Variants in ENTPD5 observed in about 807,000 individuals in gnomAD.
ENTPD5 encodes the protein nucleoside diphosphate phosphatase ENTPD5.
In ENTPD5, 49 loss-of-function variants were observed where a neutral mutation model predicts 60.2. The ratio of observed to expected loss-of-function variants is 0.81; its 90% confidence interval spans 0.65 to 1.03. The LOEUF (loss-of-function observed/expected upper bound fraction) is 1.03. Ranked by LOEUF, ENTPD5 falls within the 50% of genes least tolerant of loss-of-function variation. ENTPD5 has a pLI of 0.00. For synonymous variants in ENTPD5, 187 were observed against 185.4 expected, an observed-to-expected ratio of 1.01 and a Z score of -0.07; for missense variants, 480 against 507.6, an observed-to-expected ratio of 0.95 and a Z score of 0.52.
At chr14:73,970,262 C>T (rs535982209) in intron 14 of ENTPD5, 137 bp from the exon 15 acceptor site, 78 of 557,908 alleles carry the variant, frequency 1.4e-4, no homozygotes, top group Non-Finnish European at 2.2e-4. Flanking sequence ...GAGGCTGAGG[C>T]GGGTGGATCA....
In ENTPD5 at chr14:74,019,282, C is replaced by A. The variant is rs529230225; in HGVS notation, c.-270G>T. The A allele has an allele frequency of 1.3e-5, 6 of 478,662 alleles. No individual in the cohort carries two copies. Among genetic ancestry groups the A allele is most frequent in the African/African-American group, 8.5e-5 (4 of 47,244 alleles). 29.7% of individuals were successfully genotyped at this position (478,662 alleles called of 1,614,324 possible). A position where few individuals can be genotyped will look rare whatever the true frequency, so the allele number is the denominator to read the frequency against. ...GCGCCACCCTTGCGCGGCAGCCCGCCGCCCTCGGCGCGACCTCCGCCCCAC... is the reference window on the plus strand; with the variant it reads ...GCGCCACCCTTGCGCGGCAGCCCGCAGCCCTCGGCGCGACCTCCGCCCCAC... On this transcript the variant is annotated 5_prime_UTR_variant, in exon 1 of 16. Transcript: ENST00000334696.
At chr14:73,996,984 G>A (rs1054524358) in intron 3 of ENTPD5, among the ~76,000 whole-genome samples, 4 of 152,220 alleles carry the variant, frequency 2.6e-5, no homozygotes, top group Middle Eastern at 3.4e-3. Context: ...ACCAACGACT[G>A]TAATGTACTG....
At chr14:74,005,220 C>G (rs574830460) in intron 3 of ENTPD5, among the ~76,000 whole-genome samples, 4 of 137,122 alleles carry the variant, frequency 2.9e-5, no homozygotes, top group Admixed American at 7.9e-5. Context: ...GAGCTGAGAT[C>G]GCACCATTGC....
At chr14:74,006,233 C>T (rs1461428377) in intron 3 of ENTPD5, among the ~76,000 whole-genome samples, 1 of 151,724 alleles carries the variant, frequency 6.6e-6, no homozygotes, top group Non-Finnish European at 1.5e-5. Context: ...GATCCACCTA[C>T]CTTGGACTCC....
chr14:74,006,419 G>T (rs1212289034), intron 3 of ENTPD5, among the ~76,000 whole-genome samples: 5 of 151,940 alleles, frequency 3.3e-5, no homozygotes, highest in African/African-American at 1.2e-4. Context: ...GAGTAGCTGG[G>T]ACTACAGGTG....
chr14:74,006,203 G>C (rs1293697825), intron 3 of ENTPD5, among the ~76,000 whole-genome samples: 1 of 151,750 alleles, frequency 6.6e-6, no homozygotes, highest in African/African-American at 2.4e-5. Context: ...ATGTTAGTCA[G>C]GCTGGTGATC....
chr14:73,979,128 G>C (rs1224974854), intron 6 of ENTPD5, among the ~76,000 whole-genome samples: 1 of 152,046 alleles, frequency 6.6e-6, no homozygotes, highest in Non-Finnish European at 1.5e-5. Flanking sequence ...CTTTAGCCTG[G>C]AATATTCTTC....
chr14:73,963,959 G>A lies in ENTPD5; in HGVS notation c.*2969C>T, dbSNP rs2056870809. 2.0e-5 allele frequency: 3 copies of A among 152,134 alleles called. No homozygotes were observed. Among genetic ancestry groups the A allele is most frequent in the South Asian group, 2.1e-4 (1 of 4,830 alleles). The allele number at this position is 152,134 out of a possible 1,614,324, so 9.4% of individuals were successfully genotyped here. A position where few individuals can be genotyped will look rare whatever the true frequency, so the allele number is the denominator to read the frequency against. On this transcript the variant is annotated 3_prime_UTR_variant, in exon 16 of 16. Transcript: ENST00000334696. Reference sequence around the variant, plus strand: ...AGGCAAATGCAGAAAATTTAAAAGAGTCTAGAACAAAAAAGTGACAATGTC... The same window carrying A: ...AGGCAAATGCAGAAAATTTAAAAGAATCTAGAACAAAAAAGTGACAATGTC...
intron 5 of ENTPD5, chr14:73,986,167 G>T (rs896860697): frequency 6.6e-6 from 1 of 151,828 alleles, no homozygotes; most frequent in African/African-American, 2.4e-5. Flanking sequence ...CAAGCATTTG[G>T]GTAATGATTA....
At chr14:74,001,816 G>A (rs1384609569) in intron 3 of ENTPD5, among the ~76,000 whole-genome samples, 1 of 151,788 alleles carries the variant, frequency 6.6e-6, no homozygotes, top group African/African-American at 2.4e-5. Context: ...CGGCACCACT[G>A]TACTCCAGCC....
chr14:73,986,537 A>G, intron 5 of ENTPD5: 1 of 357,436 alleles, frequency 2.8e-6, no homozygotes, highest in East Asian at 5.0e-5. Context: ...GATGGCTTCA[A>G]CTCAAAATTT....
Position 73,969,212 on chromosome 14 carries a change from G to C in ENTPD5, c.1200+798C>G, listed in dbSNP as rs1338039084. ...CTTTTGTCTTTGTGCTCCCATGACC[G>C]AACTTCAGCTCTAGTATGTGTAACC... On this transcript the variant is annotated intron_variant, in intron 15 of 15. Coordinates refer to ENST00000334696, the MANE Select transcript of ENTPD5 (RefSeq NM_001249.5). 2.0e-5 allele frequency among the ~76,000 whole-genome samples: 3 copies of C among 152,172 alleles called. No individual in the cohort carries two copies. In the South Asian group the frequency reaches 6.2e-4, roughly 31 times the overall value.
chr14:73,983,360 C>T (rs2057769948), intron 5 of ENTPD5, among the ~76,000 whole-genome samples, 199 bp from the exon 6 acceptor site: 1 of 152,130 alleles, frequency 6.6e-6, no homozygotes, highest in Admixed American at 6.6e-5. Flanking sequence ...TGGTGTCTCA[C>T]ACCTGTAATC....
chr14:73,989,119 G>C lies in ENTPD5; in HGVS notation c.-70-947C>G, dbSNP rs549036764. ...TTACAGGCATAAGCCACCACGCCCAGCCACTTTGCTTTTAATTATAGGGTG... is the reference window on the plus strand; with the variant it reads ...TTACAGGCATAAGCCACCACGCCCACCCACTTTGCTTTTAATTATAGGGTG... On this transcript the variant is annotated intron_variant, in intron 3 of 15. Transcript: ENST00000334696. Among the ~76,000 whole-genome samples, 8 of 151,676 alleles carry C rather than the reference G, an allele frequency of 5.3e-5. No homozygotes were observed. The South Asian group carries it at 1.7e-3, about 32-fold the overall frequency.
intron 3 of ENTPD5, among the ~76,000 whole-genome samples, chr14:73,995,048 A>AT (rs35990462): frequency 0.28 from 40,559 of 144,494 alleles, 6,797 homozygotes; most frequent in Non-Finnish European, 0.38. Context: ...GCCAGGCAGA[A>AT]TTTTTTTTTT....
Position 73,965,951 on chromosome 14 carries a change from G to T in ENTPD5, c.*977C>A, listed in dbSNP as rs2056956319. 6.6e-6 allele frequency: 1 copy of T among 152,196 alleles called. No individual in the cohort carries two copies. The highest frequency in any genetic ancestry group is 2.1e-4 in the South Asian group (1 of 4,836). 9.4% of individuals were successfully genotyped at this position (152,196 alleles called of 1,614,324 possible). A position where few individuals can be genotyped will look rare whatever the true frequency, so the allele number is the denominator to read the frequency against. ...AATAATTCAAAGGATATTAGCTAAA[G>T]TGATCAGGGACCAGGACAGGAAGGT... On this transcript the variant is annotated 3_prime_UTR_variant, in exon 16 of 16. Transcript: ENST00000334696.
At position 73,972,868 on chromosome 14, in the gene ENTPD5, C is replaced by G; in HGVS notation, c.1027+16G>C. The stretch of plus-strand genomic sequence containing the variant: ...ATCCACCTTCCTCTCTGGACTGACA[C>G]CTGGGGTGAACTCACCAATCATGTC... On this transcript the variant is annotated intron_variant, in intron 13 of 15. Coordinates refer to ENST00000334696, the MANE Select transcript of ENTPD5 (RefSeq NM_001249.5). 6.2e-7 allele frequency: 1 copy of G among 1,613,530 alleles called. No homozygotes were observed. Among genetic ancestry groups the G allele is most frequent in the Non-Finnish European group, 8.5e-7 (1 of 1,179,606 alleles).
chr14:74,010,535 C>T (rs1208394624), intron 3 of ENTPD5, among the ~76,000 whole-genome samples: 5 of 150,526 alleles, frequency 3.3e-5, no homozygotes, highest in African/African-American at 1.2e-4. Flanking sequence ...GCCTGGGCAA[C>T]AAGAGCGAAA....
At chr14:73,973,116 C>T (rs2057299484) in intron 12 of ENTPD5, 92 bp from the exon 13 acceptor site, 4 of 1,473,000 alleles carry the variant, frequency 2.7e-6, no homozygotes, top group Non-Finnish European at 3.7e-6. Context: ...AATGAGGGAA[C>T]AGCAGGAAGG....
Sources: gnomAD v4.1 joint callset for allele counts (sites outside exome capture counted in the v4.1 genomes callset) on GRCh38, gnomAD v4.1.1 for gene constraint, MANE v1.5 for transcripts, NCBI Gene and HGNC (gene_info 2026-07-23, HGNC 2026-07-21) for gene names.